The following CATSPERB variants were observed in gnomAD, a reference collection of about 807,000 sequenced individuals.
CATSPERB encodes the protein cation channel sperm-associated auxiliary subunit beta.
A neutral mutation model predicts 128.3 loss-of-function variants in CATSPERB; 93 were observed. That is an observed-to-expected ratio of 0.72 (90% CI 0.61 to 0.86). The LOEUF is 0.86. Ranked by LOEUF, CATSPERB falls within the 40% of genes least tolerant of loss-of-function variation. The pLI, the probability that CATSPERB is intolerant of heterozygous loss-of-function variation, is 0.00. For missense variants in CATSPERB, 1,153 were observed against 1,329.5 expected (o/e 0.87, Z 2.06); for synonymous variants, 381 against 448.8 (o/e 0.85, Z 1.91).
chr14:91,598,436 A>G (rs536449109), intron 22 of CATSPERB, among the ~76,000 whole-genome samples: 22 of 152,296 alleles, frequency 1.4e-4, no homozygotes, highest in African/African-American at 5.3e-4. Context: ...CAGTTTGTCT[A>G]CAAGTATTTA....
At position 91,693,220 on chromosome 14, in the gene CATSPERB, T is replaced by A; in HGVS notation, c.737A>T (p.Asp246Val). 6.2e-7 allele frequency: 1 copy of A among 1,613,408 alleles called. No homozygotes were observed. The highest frequency in any genetic ancestry group is 8.5e-7 in the Non-Finnish European group (1 of 1,179,486). Residue 246 changes from aspartate to valine, a missense_variant, in exon 9 of 27, where the codon GAT (aspartate) becomes GTT (valine). Physicochemically the swap from Asp to Val is radical, Grantham distance 152. Coordinates refer to ENST00000256343, the MANE Select transcript of CATSPERB (RefSeq NM_024764.4). ...QEEYEDLSLV[D>V]MVLTNHFLVI... ...TAAAAAATGATTCGTTAAAACCATA[T>A]CCACCAATGAAAGGTCTTCATATTC...
Position 91,639,155 on chromosome 14 carries a change from G to A in CATSPERB, c.1528C>T (p.Arg510Cys), listed in dbSNP as rs750360705. ...GTGGGTGGTCCACTAGCTTCAAAGC[G>A]ACCCAGAGTCAGCTTATGTAGGAAT... is the stretch of plus-strand genomic sequence containing the variant. ...LGFLHKLTLG[R>C]FEASGPPTAF... The change falls in exon 16 of 27, where the codon CGC becomes TGC. Residue 510 changes from arginine to cysteine, a missense_variant. Transcript: ENST00000256343. 6.2e-6 allele frequency: 10 copies of A among 1,613,918 alleles called. No individual in the cohort carries two copies. The South Asian group carries it at 6.6e-5, about 11-fold the overall frequency.
In CATSPERB at chr14:91,580,819, T is replaced by G; in HGVS notation, c.*70A>C. ...TTTTATGTAGCTTGCATATTTAACATTTAAATATATTGTTCTAGGAATTGG... is the reference window on the plus strand; with the variant it reads ...TTTTATGTAGCTTGCATATTTAACAGTTAAATATATTGTTCTAGGAATTGG... On this transcript the variant is annotated 3_prime_UTR_variant, in exon 27 of 27. Transcript: ENST00000256343. 1 of 1,186,070 alleles carries G rather than the reference T, an allele frequency of 8.4e-7. No individual in the cohort carries two copies. The highest frequency in any genetic ancestry group is 1.4e-5 in the South Asian group (1 of 72,738). 73.5% of individuals were successfully genotyped at this position (1,186,070 alleles called of 1,614,324 possible). A position where few individuals can be genotyped will look rare whatever the true frequency, so the allele number is the denominator to read the frequency against.
chr14:91,628,888 G>A (rs900205490), intron 17 of CATSPERB, among the ~76,000 whole-genome samples: 1 of 152,220 alleles, frequency 6.6e-6, no homozygotes, highest in Admixed American at 6.5e-5. Context: ...TGGTGAGTAT[G>A]TGAATAATAG....
At chr14:91,652,854 C>G (rs532411274) in intron 15 of CATSPERB, among the ~76,000 whole-genome samples, 2 of 152,242 alleles carry the variant, frequency 1.3e-5, no homozygotes, top group Admixed American at 1.3e-4. Flanking sequence ...GCTGCTGTCT[C>G]AACACATGAT....
intron 2 of CATSPERB, among the ~76,000 whole-genome samples, 193 bp from the exon 3 acceptor site, chr14:91,725,361 G>A (rs1279134873): frequency 6.6e-6 from 1 of 152,122 alleles, no homozygotes; most frequent in African/African-American, 2.4e-5. Context: ...GGTATGTTTA[G>A]AAACGGAAGG....
rs1236537251 is a variant in CATSPERB, at chr14:91,702,682, A to G, written c.616+1870T>C. 2.7e-5 allele frequency among the ~76,000 whole-genome samples: 4 copies of G among 150,558 alleles called. No individual in the cohort carries two copies. The East Asian group carries it at 5.9e-4, about 22-fold the overall frequency. On this transcript the variant is annotated intron_variant, in intron 7 of 26. Coordinates refer to ENST00000256343, the MANE Select transcript of CATSPERB (RefSeq NM_024764.4). Reference sequence around the variant, plus strand: ...CCCTGACACAAAAAAGAAAACACACACACACACACACACACACACACACAA... The same window carrying G: ...CCCTGACACAAAAAAGAAAACACACGCACACACACACACACACACACACAA...
rs1189317768 is a variant in CATSPERB, at chr14:91,616,880, TACAGGCAAGGGCC to T, written c.2400+704_2400+716del. ...CCTCAGCCTCTCGAGTAGCTGGGAT[TACAGGCAAGGGCC>T]ACCATGCCTGGCTAATATTTTTGTA... On this transcript the variant is annotated intron_variant, in intron 20 of 26. Transcript: ENST00000256343. Among the ~76,000 whole-genome samples the T allele has an allele frequency of 4.6e-5, 7 of 152,106 alleles. No homozygotes were observed. In the East Asian group the frequency reaches 1.4e-3, roughly 29 times the overall value.
At chr14:91,613,449 A>G (rs1056295441) in intron 20 of CATSPERB, among the ~76,000 whole-genome samples, 14 of 152,162 alleles carry the variant, frequency 9.2e-5, no homozygotes, top group Middle Eastern at 3.4e-3. Flanking sequence ...AATTTCAGGG[A>G]AAAAAAAGAA....
intron 14 of CATSPERB, among the ~76,000 whole-genome samples, chr14:91,662,190 T>A (rs1247045447): frequency 1.3e-5 from 2 of 152,074 alleles, no homozygotes; most frequent in African/African-American, 2.4e-5. Flanking sequence ...ATATCCAATA[T>A]CCTGAATTTT....
chr14:91,590,702 G>T (rs1359951562), intron 23 of CATSPERB, among the ~76,000 whole-genome samples: 2 of 151,308 alleles, frequency 1.3e-5, no homozygotes, highest in African/African-American at 4.9e-5. Context: ...GCCCAGGCTA[G>T]AGTGCAGTGA....
In CATSPERB at chr14:91,624,858, T is replaced by C. The variant is rs1212117322; in HGVS notation, c.1892A>G (p.Lys631Arg). ...SCLSSSLLINKAGNVYKLTLD... is the reference protein window; with the variant it reads ...SCLSSSLLINRAGNVYKLTLD... ...AGTGAGTTTATAGACATTTCCAGCTTTATTAATCAAAAGGGAACTAGACAA... is the reference window on the plus strand; with the variant it reads ...AGTGAGTTTATAGACATTTCCAGCTCTATTAATCAAAAGGGAACTAGACAA... The change falls in exon 18 of 27, where the codon AAA becomes AGA. Residue 631 changes from lysine to arginine, a missense_variant. Transcript: ENST00000256343. 7 of 1,609,496 alleles carry C rather than the reference T, an allele frequency of 4.3e-6. No individual in the cohort carries two copies. Among genetic ancestry groups the C allele is most frequent in the Non-Finnish European group, 5.1e-6 (6 of 1,178,914 alleles).
chr14:91,718,875 C>T lies in CATSPERB; in HGVS notation c.370+543G>A, dbSNP rs572825770. Among the ~76,000 whole-genome samples, 18 of 152,104 alleles carry T rather than the reference C, an allele frequency of 1.2e-4. No individual in the cohort carries two copies. The South Asian group carries it at 3.7e-3, about 32-fold the overall frequency. The stretch of plus-strand genomic sequence containing the variant: ...TATCATATTAAAACAACAAATCTTC[C>T]ACCATTTTTAACCTCTGGGAATGTG... On this transcript the variant is annotated intron_variant, in intron 5 of 26. Transcript: ENST00000256343.
chr14:91,648,281 A>C (rs768243254), intron 15 of CATSPERB, among the ~76,000 whole-genome samples: 2 of 152,192 alleles, frequency 1.3e-5, no homozygotes, highest in Non-Finnish European at 2.9e-5. Context: ...TATGTTAATA[A>C]TCTTTTAATG....
At chr14:91,590,525 G>C (rs1338046940) in intron 23 of CATSPERB, among the ~76,000 whole-genome samples, 1 of 151,420 alleles carries the variant, frequency 6.6e-6, no homozygotes, top group East Asian at 1.9e-4. Flanking sequence ...AGCGAGACTT[G>C]GTCTCAAAAA....
chr14:91,659,691 G>A, intron 15 of CATSPERB, 146 bp downstream of exon 15: 2 of 692,172 alleles, frequency 2.9e-6, no homozygotes, highest in Admixed American at 7.4e-5. Flanking sequence ...CTATCCATAG[G>A]ATCCTACTTC....
chr14:91,670,028 A>C, intron 13 of CATSPERB, 56 bp from the exon 14 acceptor site: 1 of 1,480,490 alleles, frequency 6.8e-7, no homozygotes. Flanking sequence ...CAAATTTTAG[A>C]ATTTCCTGTT....
intron 14 of CATSPERB, among the ~76,000 whole-genome samples, chr14:91,660,283 T>C (rs1388337443): frequency 1.3e-5 from 2 of 152,308 alleles, no homozygotes; most frequent in African/African-American, 4.8e-5. Context: ...TCCTATGATC[T>C]CCCAAATAAT....
intron 2 of CATSPERB, among the ~76,000 whole-genome samples, chr14:91,725,943 T>A (rs1022475962): frequency 1.3e-5 from 2 of 151,928 alleles, no homozygotes; most frequent in African/African-American, 4.8e-5. Context: ...AGCAAGGATA[T>A]GAACAGAAGA....
Sources: gnomAD v4.1 joint callset for allele counts (sites outside exome capture counted in the v4.1 genomes callset) on GRCh38, gnomAD v4.1.1 for gene constraint, MANE v1.5 for transcripts, NCBI Gene and HGNC (gene_info 2026-07-23, HGNC 2026-07-21) for gene names.